The following KCNQ4 variants were observed in gnomAD, a reference collection of about 807,000 sequenced individuals.
KCNQ4 encodes the protein potassium voltage-gated channel subfamily KQT member 4.
In KCNQ4, 31 loss-of-function variants were observed where a neutral mutation model predicts 72.6. That is an observed-to-expected ratio of 0.43 (90% confidence interval 0.32 to 0.58). KCNQ4 has a LOEUF of 0.58. KCNQ4 is among the 20% of genes least tolerant of loss of function. The pLI is 0.08. For synonymous variants in KCNQ4, 405 were observed against 403.7 expected (o/e 1.00, Z -0.04); for missense variants, 869 against 962.6 (o/e 0.90, Z 1.29).
chr1:40,801,770 C>T (rs1647580469), intron 1 of KCNQ4, among the ~76,000 whole-genome samples: 1 of 152,174 alleles, frequency 6.6e-6, no homozygotes, highest in South Asian at 2.1e-4. Flanking sequence ...GGTCCCATGC[C>T]CAGGATGCCA....
At chr1:40,786,298 A>C (rs925121104) in intron 1 of KCNQ4, among the ~76,000 whole-genome samples, 6 of 152,154 alleles carry the variant, frequency 3.9e-5, no homozygotes, top group African/African-American at 2.4e-5. Context: ...GCTTGGCCTT[A>C]CAGCCCCCAC....
At position 40,838,399 on chromosome 1, in the gene KCNQ4, T is replaced by C. The variant is rs1480110676; in HGVS notation, c.1964T>C (p.Val655Ala). Residue 655 changes from valine to alanine, a missense_variant, in exon 14 of 14, where the codon GTG becomes GCG. Val to Ala is a moderately conservative substitution (Grantham distance 64, BLOSUM62 0). Around this residue, in one of 5 missense-constraint regions of KCNQ4, gnomAD observed 480 missense variants for 501.9 expected, o/e 0.96. Transcript: ENST00000347132. Reference sequence around the variant, plus strand: ...GGCACCTCGGCCAGCCTGGGCGCCGTGCAAGTGCCGCTGTTCGACCCCGAC... The same window carrying C: ...GGCACCTCGGCCAGCCTGGGCGCCGCGCAAGTGCCGCTGTTCGACCCCGAC... The part of the protein sequence containing the change: ...RSGTSASLGA[V>A]QVPLFDPDIT... 6.2e-7 allele frequency: 1 copy of C among 1,614,068 alleles called. No individual in the cohort carries two copies. The highest frequency in any genetic ancestry group is 1.1e-5 in the South Asian group (1 of 91,080).
At chr1:40,809,413 C>G (rs1030460107) in intron 1 of KCNQ4, among the ~76,000 whole-genome samples, 1 of 152,204 alleles carries the variant, frequency 6.6e-6, no homozygotes, top group Non-Finnish European at 1.5e-5. Context: ...AGCCCTCTCT[C>G]TCTCTCAACA....
intron 1 of KCNQ4, among the ~76,000 whole-genome samples, chr1:40,807,522 C>T (rs1349909816): frequency 6.6e-6 from 1 of 152,136 alleles, no homozygotes; most frequent in Non-Finnish European, 1.5e-5. Context: ...CCTCCCAGCC[C>T]CTGAGGATTC....
chr1:40,815,656 G>A (rs1201104995), intron 1 of KCNQ4, among the ~76,000 whole-genome samples: 1 of 152,104 alleles, frequency 6.6e-6, no homozygotes, highest in Non-Finnish European at 1.5e-5. Context: ...ACACTTTACC[G>A]ACATCTGCCA....
intron 13 of KCNQ4, 124 bp downstream of exon 13, chr1:40,837,918 C>T (rs1316174719): frequency 3.0e-6 from 4 of 1,355,082 alleles, no homozygotes; most frequent in Non-Finnish European, 4.1e-6. Context: ...TAAGAGCCCC[C>T]TCCCCGGCCG....
At chr1:40,787,537 A>G (rs1318150123) in intron 1 of KCNQ4, among the ~76,000 whole-genome samples, 1 of 152,122 alleles carries the variant, frequency 6.6e-6, no homozygotes, top group Non-Finnish European at 1.5e-5. Context: ...CCTAGAGTAC[A>G]AGCCCAGATT....
chr1:40,836,930 A>G (rs1648819528), intron 12 of KCNQ4, among the ~76,000 whole-genome samples: 1 of 152,094 alleles, frequency 6.6e-6, no homozygotes, highest in Non-Finnish European at 1.5e-5. Flanking sequence ...GAGGATAGAG[A>G]TAACACTTTC....
chr1:40,792,053 AG>A (rs1165374309), intron 1 of KCNQ4, among the ~76,000 whole-genome samples: 1 of 151,328 alleles, frequency 6.6e-6, no homozygotes, highest in Non-Finnish European at 1.5e-5. Context: ...GGGGTGGGGT[AG>A]GGATCAGATC....
chr1:40,837,514 C>A, intron 12 of KCNQ4, 151 bp from the exon 13 acceptor site: 1 of 998,606 alleles, frequency 1.0e-6, no homozygotes. Flanking sequence ...CCTCCACCCT[C>A]AACTCAGCCT....
At chr1:40,814,752 A>G (rs1002931561) in intron 1 of KCNQ4, among the ~76,000 whole-genome samples, 2 of 152,170 alleles carry the variant, frequency 1.3e-5, no homozygotes, top group Admixed American at 1.3e-4. Flanking sequence ...ATAAGCAGAA[A>G]GCAAAACAAA....
intron 1 of KCNQ4, among the ~76,000 whole-genome samples, chr1:40,787,212 T>C (rs1647211883): frequency 6.6e-6 from 1 of 151,848 alleles, no homozygotes; most frequent in African/African-American, 2.4e-5. Flanking sequence ...CTCTACAAAA[T>C]TTAAAAATTA....
At chr1:40,831,379 C>A in intron 10 of KCNQ4, 75 bp downstream of exon 10, 1 of 1,272,778 alleles carries the variant, frequency 7.9e-7, no homozygotes, top group Non-Finnish European at 1.1e-6. Flanking sequence ...GGGCTGGGAG[C>A]AGAAAGATCT....
At chr1:40,836,465 T>C (rs953747196) in intron 12 of KCNQ4, among the ~76,000 whole-genome samples, 8 of 151,512 alleles carry the variant, frequency 5.3e-5, no homozygotes, top group African/African-American at 1.5e-4. Context: ...TAGAGAAGTG[T>C]GGAGTGCAGA....
Position 40,784,044 on chromosome 1 carries a change from C to T in KCNQ4, c.-50C>T, listed in dbSNP as rs1251010696. 1.3e-5 allele frequency: 2 copies of T among 155,492 alleles called. No homozygotes were observed. The highest frequency in any genetic ancestry group is 1.4e-5 in the Non-Finnish European group (1 of 73,602). The allele number at this position is 155,492 out of a possible 1,614,324, so 9.6% of individuals were successfully genotyped here. A position where few individuals can be genotyped will look rare whatever the true frequency, so the allele number is the denominator to read the frequency against. On this transcript the variant is annotated 5_prime_UTR_variant, in exon 1 of 14. Coordinates refer to ENST00000347132, the MANE Select transcript of KCNQ4 (RefSeq NM_004700.4). This position sits in a 1 kb window ranked among gnomAD's most constrained non-coding sequence, Gnocchi z 4.1. ...CGTCTCTGAGCGCCCCGAGCGCGCCCCCGCCCCGGACCGTGCCCGGGCCCC... is the reference window on the plus strand; with the variant it reads ...CGTCTCTGAGCGCCCCGAGCGCGCCTCCGCCCCGGACCGTGCCCGGGCCCC...
At chr1:40,821,983 C>T (rs1292640693) in intron 7 of KCNQ4, among the ~76,000 whole-genome samples, 4 of 152,170 alleles carry the variant, frequency 2.6e-5, no homozygotes, top group Non-Finnish European at 5.9e-5. Context: ...AAACTGAGGT[C>T]CTGAAGCTTT....
intron 9 of KCNQ4, among the ~76,000 whole-genome samples, chr1:40,828,246 C>T (rs1454313843): frequency 6.6e-6 from 1 of 152,180 alleles, no homozygotes; most frequent in East Asian, 1.9e-4. Flanking sequence ...GCTCGGCCTC[C>T]CCAGCAGGGC....
Position 40,784,171 on chromosome 1 carries a change from C to A in KCNQ4, c.78C>A (p.Leu26=). 9.0e-7 allele frequency: 1 copy of A among 1,115,638 alleles called. No individual in the cohort carries two copies. The highest frequency in any genetic ancestry group is 1.1e-6 in the Non-Finnish European group (1 of 908,148). The allele number at this position is 1,115,638 out of a possible 1,614,324, so 69.1% of individuals were successfully genotyped here. ...CCCCCCGCGCGGAGCTAGTGGCGCT[C>A]ACGGCCGTGCAGAGCGAACAGGGCG... The part of the protein sequence containing the change: ...GDAPRAELVA[L]TAVQSEQGEA... The change falls in exon 1 of 14, where the codon CTC becomes CTA. Residue 26 remains leucine (L), a synonymous_variant. Coordinates refer to ENST00000347132, the MANE Select transcript of KCNQ4 (RefSeq NM_004700.4). This position sits in a 1 kb window ranked among gnomAD's most constrained non-coding sequence, Gnocchi z 4.1.
Position 40,785,000 on chromosome 1 carries a change from G to C in KCNQ4, c.314+593G>C, listed in dbSNP as rs757012398. The stretch of plus-strand genomic sequence containing the variant: ...TGTGTCCGACTTGATCTGTGTCTTC[G>C]CTCAGTCTTCCCCTCCACCCTCAAC... On this transcript the variant is annotated intron_variant, in intron 1 of 13. Transcript: ENST00000347132. The surrounding 1 kb of genome is among the most constrained non-coding windows in gnomAD (Gnocchi z 4.1). 3.3e-5 allele frequency among the ~76,000 whole-genome samples: 5 copies of C among 152,144 alleles called. No homozygotes were observed. The highest frequency in any genetic ancestry group is 1.2e-4 in the African/African-American group (5 of 41,434).
Sources: allele counts gnomAD v4.1 joint callset (sites outside exome capture counted in the v4.1 genomes callset), GRCh38; gene constraint gnomAD v4.1.1; regional missense constraint gnomAD v4.1.1; non-coding constraint Gnocchi (gnomAD v3.1); transcripts MANE v1.5; gene names NCBI Gene and HGNC (gene_info 2026-07-23, HGNC 2026-07-21).